Variants in SNX29 observed in about 807,000 individuals in gnomAD.
SNX29 encodes sorting nexin 29, also known as sorting nexin-29.
SNX29 carries 78 observed loss-of-function variants against 102.1 expected under a neutral mutation model. The ratio of observed to expected loss-of-function variants is 0.76; its 90% CI spans 0.64 to 0.92. The LOEUF (loss-of-function observed/expected upper bound fraction) is 0.92. Ranked by LOEUF, SNX29 falls within the 40% of genes least tolerant of loss-of-function variation. The pLI is 0.00. For synonymous variants in SNX29, 580 were observed against 414.5 expected (o/e 1.40, Z -4.85); for missense variants, 1,280 against 1,061.7 (o/e 1.21, Z -2.86).
At chr16:12,118,285 G>A (rs932602096) in intron 11 of SNX29, among the ~76,000 whole-genome samples, 1 of 142,498 alleles carries the variant, frequency 7.0e-6, no homozygotes, top group African/African-American at 2.6e-5. Flanking sequence ...TTTAAAAGAA[G>A]ACTGTAGATA....
intron 14 of SNX29, among the ~76,000 whole-genome samples, chr16:12,210,820 T>C (rs1469152238): frequency 6.6e-6 from 1 of 152,048 alleles, no homozygotes; most frequent in Non-Finnish European, 1.5e-5. Flanking sequence ...CTCCGGTCTA[T>C]TTTGTATTTG....
At chr16:12,370,557 C>T (rs2082645666) in intron 16 of SNX29, among the ~76,000 whole-genome samples, 1 of 152,186 alleles carries the variant, frequency 6.6e-6, no homozygotes, top group Non-Finnish European at 1.5e-5. Flanking sequence ...GAAACTCCGT[C>T]TCAAAACAAA....
At chr16:12,219,590 C>G (rs747672470) in intron 14 of SNX29, among the ~76,000 whole-genome samples, 1 of 152,208 alleles carries the variant, frequency 6.6e-6, no homozygotes, top group Non-Finnish European at 1.5e-5. Flanking sequence ...GTTTGATGTT[C>G]TTGTCTGTTC....
chr16:12,399,821 G>T (rs139056829), intron 17 of SNX29, among the ~76,000 whole-genome samples: 2 of 152,228 alleles, frequency 1.3e-5, no homozygotes, highest in Admixed American at 1.3e-4. Context: ...TTTGCCTGCT[G>T]TGGGCTTGTG....
chr16:12,062,206 C>T (rs2050804758), intron 9 of SNX29, among the ~76,000 whole-genome samples: 2 of 151,856 alleles, frequency 1.3e-5, no homozygotes, highest in South Asian at 2.1e-4. Flanking sequence ...TGGTGAAGCC[C>T]TGTCTCTACT....
intron 19 of SNX29, among the ~76,000 whole-genome samples, chr16:12,511,194 TTC>T (rs2089603457): frequency 6.6e-6 from 1 of 152,118 alleles, no homozygotes; most frequent in Non-Finnish European, 1.5e-5. Context: ...ATTTTTTTAT[TTC>T]TGTTTTTAGC....
chr16:12,402,914 T>G (rs560491473), intron 17 of SNX29, among the ~76,000 whole-genome samples: 3 of 152,272 alleles, frequency 2.0e-5, no homozygotes, highest in South Asian at 2.1e-4. Flanking sequence ...CTGTCACCCT[T>G]GTTGCCATGA....
intron 15 of SNX29, among the ~76,000 whole-genome samples, chr16:12,281,993 A>G (rs2079445826): frequency 6.7e-6 from 1 of 150,218 alleles, no homozygotes; most frequent in South Asian, 2.1e-4. Flanking sequence ...GCTGAGGCAG[A>G]GAATCACTTG....
At chr16:12,362,625 G>GC (rs1215851322) in intron 16 of SNX29, among the ~76,000 whole-genome samples, 2 of 116,766 alleles carry the variant, frequency 1.7e-5, no homozygotes, top group Middle Eastern at 6.7e-3. Context: ...GCCCTGTGCT[G>GC]CCCCCCACCC....
intron 5 of SNX29, 93 bp from the exon 6 acceptor site, chr16:12,046,291 G>A (rs1378372352): frequency 3.1e-6 from 4 of 1,285,578 alleles, no homozygotes; most frequent in Non-Finnish European, 4.4e-6. Context: ...ACCAGGTGCA[G>A]ATCTTCCAGG....
intron 19 of SNX29, among the ~76,000 whole-genome samples, chr16:12,501,731 A>G (rs945574300): frequency 2.0e-3 from 290 of 146,414 alleles, no homozygotes; most frequent in African/African-American, 6.6e-3. Flanking sequence ...TCTCAAAAAA[A>G]AAAAAAAAAA....
chr16:12,223,973 G>GT (rs1328998184), intron 14 of SNX29, among the ~76,000 whole-genome samples: 1 of 152,208 alleles, frequency 6.6e-6, no homozygotes. Context: ...TGAAGCCCAT[G>GT]TGGATAATGG....
chr16:12,369,927 T>G (rs2082621750), intron 16 of SNX29, among the ~76,000 whole-genome samples: 1 of 152,184 alleles, frequency 6.6e-6, no homozygotes. Flanking sequence ...GAAAAAATCT[T>G]TCTTTGAGGC....
At chr16:12,410,514 A>G (rs2084356925) in intron 18 of SNX29, among the ~76,000 whole-genome samples, 1 of 151,792 alleles carries the variant, frequency 6.6e-6, no homozygotes, top group Non-Finnish European at 1.5e-5. Flanking sequence ...TGGCACAATC[A>G]TGGCTCATTT....
chr16:12,030,635 A>G (rs1311565808), intron 4 of SNX29, among the ~76,000 whole-genome samples: 1 of 152,060 alleles, frequency 6.6e-6, no homozygotes, highest in Non-Finnish European at 1.5e-5. Context: ...GCTCTGACCC[A>G]CTTTGCACAT....
intron 14 of SNX29, among the ~76,000 whole-genome samples, chr16:12,234,213 C>G (rs1018745749): frequency 6.6e-6 from 1 of 152,128 alleles, no homozygotes; most frequent in African/African-American, 2.4e-5. Flanking sequence ...TTGTTATTGT[C>G]TGTCTTTTTT....
At chr16:12,207,241 C>T (rs564132980) in intron 14 of SNX29, among the ~76,000 whole-genome samples, 7 of 152,096 alleles carry the variant, frequency 4.6e-5, no homozygotes, top group Middle Eastern at 3.4e-3. Flanking sequence ...TGGTGGCAGG[C>T]GCCTGTAATC....
At position 12,552,151 on chromosome 16, in the gene SNX29, C is replaced by A. The variant is rs180905915; in HGVS notation, c.2319-16355C>A. ...ATGCCTGAGAGGCCACATTCCAGTACAGCTTAATCTACTAATCCTGCAGAA... is the reference window on the plus strand; with the variant it reads ...ATGCCTGAGAGGCCACATTCCAGTAAAGCTTAATCTACTAATCCTGCAGAA... On this transcript the variant is annotated intron_variant, in intron 20 of 20. Transcript: ENST00000566228. 2.0e-3 allele frequency among the ~76,000 whole-genome samples: 311 copies of A among 152,298 alleles called. 3 individuals are homozygous for A. Among genetic ancestry groups the A allele is most frequent in the Non-Finnish European group, 2.4e-3 (163 of 68,024 alleles).
chr16:12,358,513 C>G (rs898381880), intron 16 of SNX29, among the ~76,000 whole-genome samples: 2 of 152,164 alleles, frequency 1.3e-5, no homozygotes, highest in African/African-American at 4.8e-5. Flanking sequence ...TCTCTCTGAC[C>G]TTCTCCTGCT....
Sources: allele counts gnomAD v4.1 joint callset (sites outside exome capture counted in the v4.1 genomes callset), GRCh38; gene constraint gnomAD v4.1.1; transcripts MANE v1.5; gene names NCBI Gene and HGNC (gene_info 2026-07-23, HGNC 2026-07-21).